ANKRD24: variants seen among roughly 807,000 people sequenced by gnomAD.
ANKRD24 encodes ankyrin repeat domain-containing protein 24.
ANKRD24 carries 109 observed loss-of-function variants against 127.8 expected under a neutral mutation model. The observed-to-expected ratio is 0.85, with a 90% CI of 0.73 to 1.00. ANKRD24 has a LOEUF of 1.00. Among genes scored for constraint, ANKRD24 ranks in the 50% least tolerant of loss-of-function variants. The pLI, the probability that ANKRD24 is intolerant of heterozygous loss-of-function variation, is 0.00. For missense variants in ANKRD24, 1,648 were observed against 1,570.2 expected (o/e 1.05, Z -0.84); for synonymous variants, 743 against 671.1 (o/e 1.11, Z -1.66).
rs1969610212 is a variant in ANKRD24, at chr19:4,209,909, A to G, written c.871-149A>G. ...TTGGTCTTGTCTGCGCTTTGCTGGG[A>G]TAAGTAAGCGGCAGGAGGCAGGGGC... On this transcript the variant is annotated intron_variant, in intron 11 of 21. Coordinates refer to ENST00000318934, the MANE Select transcript of ANKRD24 (RefSeq NM_001393985.1). 6.8e-6 allele frequency: 4 copies of G among 584,368 alleles called. No homozygotes were observed. In the South Asian group the frequency reaches 8.1e-5, roughly 12 times the overall value. The allele number at this position is 584,368 out of a possible 1,614,324, so 36.2% of individuals were successfully genotyped here.
At chr19:4,203,895 C>T (rs1969235830) in intron 7 of ANKRD24, among the ~76,000 whole-genome samples, 1 of 151,900 alleles carries the variant, frequency 6.6e-6, no homozygotes, top group South Asian at 2.1e-4. Context: ...AGGTGATCTG[C>T]CCGCCTCGGC....
At chr19:4,194,351 C>T (rs975819694) in intron 2 of ANKRD24, among the ~76,000 whole-genome samples, 2 of 152,114 alleles carry the variant, frequency 1.3e-5, no homozygotes, top group African/African-American at 4.8e-5. Flanking sequence ...CGGGGTTTCA[C>T]CATGTTGGCC....
chr19:4,208,942 GCCA>G lies in ANKRD24; in HGVS notation c.870+145_870+147del, dbSNP rs993133600. 15 of 889,672 alleles carry G rather than the reference GCCA, an allele frequency of 1.7e-5. No homozygotes were observed. The African/African-American group carries it at 2.6e-4, about 15-fold the overall frequency. 55.1% of individuals were successfully genotyped at this position (889,672 alleles called of 1,614,324 possible). ...AAGAATGCTACCTTCAGGGTATGCT[GCCA>G]CCAAGTGGCGGCAGTGTGCTCAGCC... On this transcript the variant is annotated intron_variant, in intron 11 of 21. Coordinates refer to ENST00000318934, the MANE Select transcript of ANKRD24 (RefSeq NM_001393985.1).
rs544240934 is a variant in ANKRD24 at position 4,220,031 on chromosome 19, T to G, written c.3171+273T>G. ...TCTCGCTCTGTCGCCCAGGCTGGAG[T>G]GCAGTGGCATGATCTCGGCTCACTG... On this transcript the variant is annotated intron_variant, in intron 19 of 21. Transcript: ENST00000318934. 9.8e-5 allele frequency among the ~76,000 whole-genome samples: 15 copies of G among 152,326 alleles called. 1 individual carries two copies. The highest frequency in any genetic ancestry group is 8.5e-4 in the Admixed American group (13 of 15,296).
chr19:4,208,471 C>T (rs1215232829), intron 10 of ANKRD24, among the ~76,000 whole-genome samples: 3 of 151,986 alleles, frequency 2.0e-5, no homozygotes, highest in Non-Finnish European at 2.9e-5. Flanking sequence ...TTAGTGGAGT[C>T]GGGGTTTCGC....
At chr19:4,224,332 TC>T in intron 21 of ANKRD24, 95 bp from the exon 22 acceptor site, 1 of 1,461,792 alleles carries the variant, frequency 6.8e-7, no homozygotes, top group Non-Finnish European at 9.4e-7. Context: ...TGTGTGCATT[TC>T]CCTCCTGGCT....
chr19:4,208,625 C>A, intron 10 of ANKRD24, 139 bp from the exon 11 acceptor site: 1 of 752,910 alleles, frequency 1.3e-6, no homozygotes, highest in Non-Finnish European at 2.2e-6. Context: ...TCTCAGCACT[C>A]TACCCAAGCG....
chr19:4,217,669 G>A lies in ANKRD24; in HGVS notation c.2509G>A (p.Ala837Thr), dbSNP rs1568342380. Residue 837 changes from alanine (A) to threonine (T), a missense_variant, in exon 18 of 22, where the codon GCC (alanine) becomes ACC (threonine). By Grantham distance (58) the Ala-to-Thr change is moderately conservative. Transcript: ENST00000318934. ...GGCGCGGGGCCTGCGGGCCGAGCTGGCCCAGCGGGAGGAGGCGCGGCTGGA... is the reference window on the plus strand; with the variant it reads ...GGCGCGGGGCCTGCGGGCCGAGCTGACCCAGCGGGAGGAGGCGCGGCTGGA... ...EEARGLRAEL[A>T]QREEARLEQS... 16 of 1,286,096 alleles carry A rather than the reference G, an allele frequency of 1.2e-5. No homozygotes were observed. Among genetic ancestry groups the A allele is most frequent in the Non-Finnish European group, 1.6e-5 (16 of 1,020,722 alleles). The allele number at this position is 1,286,096 out of a possible 1,614,324, so 79.7% of individuals were successfully genotyped here.
rs1182381401 is a variant in ANKRD24, at chr19:4,223,407, T to A, written c.3297+612T>A. Among the ~76,000 whole-genome samples the A allele has an allele frequency of 5.1e-3, 627 of 122,824 alleles. 7 individuals are homozygous for A. The highest frequency in any genetic ancestry group is 0.021 in the African/African-American group (531 of 25,224). 80.6% of individuals were successfully genotyped at this position (122,824 alleles called of 152,430 possible). ...TATATATATATATATATATATTTTT[T>A]TTTTTTTTTTTTTGAGCCAGTCTCA... On this transcript the variant is annotated intron_variant, in intron 20 of 21. Coordinates refer to ENST00000318934, the MANE Select transcript of ANKRD24 (RefSeq NM_001393985.1).
At chr19:4,223,215 A>T (rs1432644604) in intron 20 of ANKRD24, among the ~76,000 whole-genome samples, 1 of 150,910 alleles carries the variant, frequency 6.6e-6, no homozygotes, top group Non-Finnish European at 1.5e-5. Context: ...TTACAGGCAT[A>T]AGCCACTGCT....
chr19:4,194,697 A>T (rs1233696651), intron 2 of ANKRD24, among the ~76,000 whole-genome samples: 1 of 152,118 alleles, frequency 6.6e-6, no homozygotes, highest in Admixed American at 6.6e-5. Flanking sequence ...CTGGGGGAGA[A>T]GGGACAAGGG....
At chr19:4,203,930 C>T (rs113331309) in intron 7 of ANKRD24, among the ~76,000 whole-genome samples, 6 of 143,566 alleles carry the variant, frequency 4.2e-5, no homozygotes, top group Admixed American at 2.1e-4. Flanking sequence ...GGATTACAGG[C>T]GTGAGCCACC....
Position 4,215,974 on chromosome 19 carries a change from C to G in ANKRD24, c.1198-4C>G, listed in dbSNP as rs781002934. 3.9e-5 allele frequency: 61 copies of G among 1,583,434 alleles called. No individual in the cohort carries two copies. The East Asian group carries it at 1.1e-3, about 30-fold the overall frequency. ...CCGAGCTGGACTCTGCTCCCTCCCCCCAGAACGAGCGGGAGAATACTAGCT... is the reference window on the plus strand; with the variant it reads ...CCGAGCTGGACTCTGCTCCCTCCCCGCAGAACGAGCGGGAGAATACTAGCT... On this transcript the variant is annotated splice_polypyrimidine_tract_variant and splice_region_variant and intron_variant, in intron 15 of 21. Coordinates refer to ENST00000318934, the MANE Select transcript of ANKRD24 (RefSeq NM_001393985.1).
chr19:4,184,917 T>G (rs909695491), intron 1 of ANKRD24, among the ~76,000 whole-genome samples: 1 of 130,236 alleles, frequency 7.7e-6, no homozygotes, highest in South Asian at 2.5e-4. Flanking sequence ...AGTGGATGGA[T>G]GGATGGATGG....
At chr19:4,213,904 G>A (rs1969910548) in intron 15 of ANKRD24, among the ~76,000 whole-genome samples, 1 of 152,066 alleles carries the variant, frequency 6.6e-6, no homozygotes, top group African/African-American at 2.4e-5. Context: ...CAAAGTGCTG[G>A]GATTACAGGT....
chr19:4,198,331 G>A lies in ANKRD24; in HGVS notation c.37-1352G>A, dbSNP rs982147992. The A allele has an allele frequency of 2.5e-6, 1 of 406,322 alleles. No homozygotes were observed. The highest frequency in any genetic ancestry group is 2.1e-5 in the African/African-American group (1 of 48,180). 25.2% of individuals were successfully genotyped at this position (406,322 alleles called of 1,614,324 possible). ...GCTGGCGAGGAGGGCAAGGGGGAGG[G>A]GGCGGCACCAGGGAGGGCGGGACCG... On this transcript the variant is annotated intron_variant, in intron 2 of 21. Coordinates refer to ENST00000318934, the MANE Select transcript of ANKRD24 (RefSeq NM_001393985.1). This position sits in a 1 kb window ranked among gnomAD's most constrained non-coding sequence, Gnocchi z 6.1.
In ANKRD24 at chr19:4,207,669, C is replaced by G; in HGVS notation, c.644+62C>G. The G allele has an allele frequency of 5.0e-6, 8 of 1,601,564 alleles. No homozygotes were observed. The South Asian group carries it at 8.8e-5, about 18-fold the overall frequency. ...TGTGTGACCTTCGGCAAGACTTAAC[C>G]TAAGTAAGACGATCTAGCCAGCCTC... On this transcript the variant is annotated intron_variant, in intron 9 of 21. Transcript: ENST00000318934.
At chr19:4,208,279 G>A (rs145841088) in intron 10 of ANKRD24, among the ~76,000 whole-genome samples, 1,753 of 152,072 alleles carry the variant, frequency 0.012, 39 homozygotes, top group African/African-American at 0.041. Context: ...CGAGGTGGGC[G>A]AATCACTTGA....
intron 13 of ANKRD24, among the ~76,000 whole-genome samples, chr19:4,210,994 C>T (rs189754860): frequency 2.5e-4 from 38 of 151,850 alleles, no homozygotes; most frequent in Non-Finnish European, 5.1e-4. Context: ...CCACCACATC[C>T]AGCTAGTTTT....
Sources: gnomAD v4.1 joint callset for allele counts (sites outside exome capture counted in the v4.1 genomes callset) on GRCh38, gnomAD v4.1.1 for gene constraint, Gnocchi (gnomAD v3.1) non-coding constraint, MANE v1.5 for transcripts, NCBI Gene and HGNC (gene_info 2026-07-23, HGNC 2026-07-21) for gene names.